Variants in MCCC1 observed in about 807,000 individuals in gnomAD.
The protein encoded by MCCC1 is methylcrotonoyl-CoA carboxylase subunit alpha, mitochondrial.
Under a neutral mutation model 83.8 loss-of-function variants are expected in MCCC1, and 64 were observed. The observed-to-expected ratio is 0.76, with a 90% CI of 0.62 to 0.94. The LOEUF (loss-of-function observed/expected upper bound fraction) is 0.94, where lower values mean the gene tolerates loss of function less well. Among genes scored for constraint, MCCC1 ranks in the 40% least tolerant of loss-of-function variants. The pLI is 0.00. For synonymous variants in MCCC1, 322 were observed against 315.4 expected (o/e 1.02, Z -0.22); for missense variants, 807 against 904.7 (o/e 0.89, Z 1.39).
In MCCC1 at chr3:183,086,761, CG is replaced by C; in HGVS notation, c.300del (p.Ala101LeufsTer50). On this transcript the variant is annotated frameshift_variant, in exon 4 of 19. Transcript: ENST00000265594. LOFTEE classifies it high-confidence loss of function. ...DMADEAYSIG[P>X]APSQQSYLSM... ...GATAGGTAGCTCTGCTGGGAGGGAG[CG>C]GGGCCGATGGAATATGCTTCATCTG... 6.2e-7 allele frequency: 1 copy of C among 1,614,072 alleles called. No individual in the cohort carries two copies. Among genetic ancestry groups the C allele is most frequent in the South Asian group, 1.1e-5 (1 of 91,052 alleles).
In MCCC1 at chr3:183,025,766, A is replaced by G. The variant is rs1051036261; in HGVS notation, c.1720T>C (p.Tyr574His). 1.9e-6 allele frequency: 3 copies of G among 1,613,852 alleles called. No homozygotes were observed. Among genetic ancestry groups the G allele is most frequent in the Admixed American group, 3.3e-5 (2 of 60,004 alleles). ...CCAGTAAGGCTTACCTGCATGCTATAAGACCCATCATGGTTATACGTTACA... is the reference window on the plus strand; with the variant it reads ...CCAGTAAGGCTTACCTGCATGCTATGAGACCCATCATGGTTATACGTTACA... Reference protein sequence around the residue: ...IAVTYNHDGSYSMQIEDKTFQ... With the variant: ...IAVTYNHDGSHSMQIEDKTFQ... Residue 574 changes from tyrosine to histidine, a missense_variant, in exon 15 of 19, where the codon TAT (tyrosine) becomes CAT (histidine). By Grantham distance (83) the Tyr-to-His change is moderately conservative. Coordinates refer to ENST00000265594, the MANE Select transcript of MCCC1 (RefSeq NM_020166.5).
intron 1 of MCCC1, among the ~76,000 whole-genome samples, chr3:183,110,615 C>T (rs1719477434): frequency 6.6e-6 from 1 of 151,950 alleles, no homozygotes; most frequent in Non-Finnish European, 1.5e-5. Flanking sequence ...AGAATGGTCT[C>T]GATCTCCTGA....
At chr3:183,100,987 C>T (rs959349120), upstream of MCCC1, among the ~76,000 whole-genome samples, 2 of 152,258 alleles carry the variant, frequency 1.3e-5, no homozygotes, top group Admixed American at 1.3e-4. Flanking sequence ...GCCCCGCACT[C>T]GGAACAGCCA....
upstream of MCCC1, among the ~76,000 whole-genome samples, chr3:183,101,262 C>T (rs1481849349): frequency 6.6e-6 from 1 of 152,250 alleles, no homozygotes; most frequent in African/African-American, 2.4e-5. Flanking sequence ...CCATCGACCA[C>T]CCAAGAGCTG....
chr3:183,106,907 A>G (rs2108584626), intron 1 of MCCC1, among the ~76,000 whole-genome samples: 1 of 151,796 alleles, frequency 6.6e-6, no homozygotes. Context: ...ATACACTCAC[A>G]TTTTCTTTTG....
At chr3:183,055,556 C>T (rs1243087641) in intron 8 of MCCC1, among the ~76,000 whole-genome samples, 1 of 152,080 alleles carries the variant, frequency 6.6e-6, no homozygotes, top group Non-Finnish European at 1.5e-5. Flanking sequence ...GTATCTTTGT[C>T]CCTTGTATCT....
intron 13 of MCCC1, among the ~76,000 whole-genome samples, chr3:183,036,677 C>T (rs1209177120): frequency 1.3e-5 from 2 of 151,656 alleles, no homozygotes; most frequent in African/African-American, 4.8e-5. Flanking sequence ...GTAGCTGGGA[C>T]TACAGGTGCG....
chr3:183,110,683 C>T (rs958283726), intron 1 of MCCC1, among the ~76,000 whole-genome samples: 1 of 150,974 alleles, frequency 6.6e-6, no homozygotes, highest in African/African-American at 2.4e-5. Context: ...CGTAAGCCAC[C>T]GCACCCGGCC....
intron 4 of MCCC1, among the ~76,000 whole-genome samples, chr3:183,080,900 C>T (rs917327225): frequency 2.6e-5 from 4 of 152,186 alleles, no homozygotes; most frequent in African/African-American, 7.2e-5. Context: ...CCTCATGAGA[C>T]TCATTCACTA....
intron 1 of MCCC1, among the ~76,000 whole-genome samples, chr3:183,106,827 ATCTT>A (rs1719414738): frequency 6.6e-6 from 1 of 151,932 alleles, no homozygotes; most frequent in Admixed American, 6.6e-5. Flanking sequence ...CATTTGCTTT[ATCTT>A]TCTCTCTCTC....
intron 4 of MCCC1, among the ~76,000 whole-genome samples, chr3:183,074,125 T>C (rs927479418): frequency 6.6e-6 from 1 of 152,220 alleles, no homozygotes; most frequent in Non-Finnish European, 1.5e-5. Context: ...TTTCACACCA[T>C]AGTAGACTGC....
intron 10 of MCCC1, among the ~76,000 whole-genome samples, chr3:183,045,149 C>T (rs1048934503): frequency 1.3e-5 from 2 of 150,388 alleles, no homozygotes; most frequent in Non-Finnish European, 3.0e-5. Context: ...GGCGCGATCT[C>T]GGCTTACTGC....
intron 9 of MCCC1, among the ~76,000 whole-genome samples, chr3:183,048,382 C>T (rs1412962167): frequency 6.6e-6 from 1 of 152,082 alleles, no homozygotes; most frequent in East Asian, 1.9e-4. Context: ...TATATGTTAC[C>T]TACAAGAAAT....
At position 183,017,099 on chromosome 3, in the gene MCCC1, T is replaced by C. The variant is rs1711701317; in HGVS notation, c.2049+167A>G. The C allele has an allele frequency of 1.4e-5, 9 of 652,188 alleles. 1 individual carries two copies. In the South Asian group the frequency reaches 1.4e-4, roughly 10 times the overall value. 40.4% of individuals were successfully genotyped at this position (652,188 alleles called of 1,614,324 possible). A position where few individuals can be genotyped will look rare whatever the true frequency, so the allele number is the denominator to read the frequency against. On this transcript the variant is annotated intron_variant, in intron 18 of 18. Coordinates refer to ENST00000265594, the MANE Select transcript of MCCC1 (RefSeq NM_020166.5). Reference sequence around the variant, plus strand: ...CAATTTCACAAAGTTAAAGTAAAACTCTTTTCTACAAGAAGGATAGTTTGG... The same window carrying C: ...CAATTTCACAAAGTTAAAGTAAAACCCTTTTCTACAAGAAGGATAGTTTGG...
At chr3:183,031,567 G>A (rs989023075) in intron 14 of MCCC1, among the ~76,000 whole-genome samples, 2 of 131,562 alleles carry the variant, frequency 1.5e-5, no homozygotes, top group East Asian at 2.4e-4. Context: ...GTGCAATCTC[G>A]GCTCACTGCA....
At chr3:183,065,382 T>C (rs1577320014) in intron 7 of MCCC1, among the ~76,000 whole-genome samples, 1 of 152,342 alleles carries the variant, frequency 6.6e-6, no homozygotes, top group East Asian at 1.9e-4. Flanking sequence ...TGTATTTATA[T>C]GTGTTGTGTG....
upstream of MCCC1, among the ~76,000 whole-genome samples, chr3:183,100,773 C>A (rs966561478): frequency 6.6e-6 from 1 of 152,268 alleles, no homozygotes; most frequent in African/African-American, 2.4e-5. Context: ...GGCACCTCCC[C>A]TGCCTGGGCT....
upstream of MCCC1, among the ~76,000 whole-genome samples, chr3:183,101,365 G>C (rs1719284174): frequency 2.0e-5 from 3 of 152,376 alleles, no homozygotes; most frequent in African/African-American, 4.8e-5. Flanking sequence ...CTGGGCTCCT[G>C]AGTCTGGTGG....
intron 14 of MCCC1, among the ~76,000 whole-genome samples, chr3:183,032,656 T>C (rs1403036868): frequency 2.0e-5 from 3 of 152,046 alleles, no homozygotes; most frequent in South Asian, 2.1e-4. Context: ...GAGTGGATCA[T>C]AAGGTCAGGA....
Sources: allele counts gnomAD v4.1 joint callset (sites outside exome capture counted in the v4.1 genomes callset), GRCh38; gene constraint gnomAD v4.1.1; transcripts MANE v1.5; gene names NCBI Gene and HGNC (gene_info 2026-07-23, HGNC 2026-07-21).